Variants in CNTN5 observed in about 807,000 individuals in gnomAD.
CNTN5 encodes contactin 5.
In CNTN5, 77 loss-of-function variants were observed where a neutral mutation model predicts 129.1. The ratio of observed to expected loss-of-function variants is 0.60; its 90% CI spans 0.50 to 0.72. The LOEUF (loss-of-function observed/expected upper bound fraction) is 0.72. CNTN5 is among the 30% of genes least tolerant of loss of function. The probability of loss-of-function intolerance (pLI) is 0.00; values close to 1 mark genes in which losing one functional copy is unlikely to be tolerated. For synonymous variants in CNTN5, 509 were observed against 465.6 expected (o/e 1.09, Z -1.20); for missense variants, 1,478 against 1,328.8 (o/e 1.11, Z -1.75).
chr11:100,285,393 C>G (rs143668017), intron 18 of CNTN5, among the ~76,000 whole-genome samples: 1 of 152,136 alleles, frequency 6.6e-6, no homozygotes, highest in African/African-American at 2.4e-5. Context: ...ACTAGAACAA[C>G]AGGAGAGTCA....
At chr11:100,209,080 C>G (rs913940923) in intron 15 of CNTN5, among the ~76,000 whole-genome samples, 3 of 152,216 alleles carry the variant, frequency 2.0e-5, no homozygotes, top group African/African-American at 7.2e-5. Flanking sequence ...ACATGTCTCA[C>G]TGACCTATCC....
chr11:99,729,604 C>T (rs1015220720), intron 3 of CNTN5, among the ~76,000 whole-genome samples: 2 of 152,056 alleles, frequency 1.3e-5, no homozygotes, highest in African/African-American at 2.4e-5. Flanking sequence ...CATGGTCTTC[C>T]ACAATGGTAG....
chr11:100,250,358 C>A (rs1490961051), intron 16 of CNTN5, among the ~76,000 whole-genome samples: 1 of 152,070 alleles, frequency 6.6e-6, no homozygotes, highest in Non-Finnish European at 1.5e-5. Flanking sequence ...ACTCCTCTAT[C>A]CTTTCTTCCT....
At chr11:100,319,906 G>A (rs959789246) in intron 21 of CNTN5, among the ~76,000 whole-genome samples, 3 of 152,106 alleles carry the variant, frequency 2.0e-5, no homozygotes, top group Non-Finnish European at 4.4e-5. Context: ...TAGTTGAATG[G>A]TGAATAGAAT....
chr11:99,998,987 C>T (rs966578998), intron 8 of CNTN5, among the ~76,000 whole-genome samples: 1 of 152,048 alleles, frequency 6.6e-6, no homozygotes, highest in Middle Eastern at 3.4e-3. Context: ...CTTCCTTACA[C>T]CTTATACAAA....
intron 6 of CNTN5, among the ~76,000 whole-genome samples, chr11:99,906,918 G>A (rs1949522805): frequency 1.3e-5 from 2 of 152,000 alleles, no homozygotes; most frequent in African/African-American, 2.4e-5. Flanking sequence ...GCATAGAGGT[G>A]TTTATAGTAT....
At chr11:100,312,326 G>A (rs1951487182) in intron 21 of CNTN5, among the ~76,000 whole-genome samples, 1 of 151,838 alleles carries the variant, frequency 6.6e-6, no homozygotes, top group African/African-American at 2.4e-5. Flanking sequence ...ATATGATATA[G>A]GTGAAGCTAT....
chr11:100,101,354 G>A (rs1308963349), intron 13 of CNTN5, among the ~76,000 whole-genome samples: 1 of 152,080 alleles, frequency 6.6e-6, no homozygotes, highest in Non-Finnish European at 1.5e-5. Flanking sequence ...AAATGCTCAA[G>A]AAGGATAAGA....
chr11:99,764,974 T>C (rs1293447631), intron 3 of CNTN5, among the ~76,000 whole-genome samples: 3 of 152,136 alleles, frequency 2.0e-5, no homozygotes, highest in South Asian at 2.1e-4. Context: ...CTTTCTGTCA[T>C]AGTCACATAT....
chr11:99,178,194 C>T (rs890298134), intron 1 of CNTN5, among the ~76,000 whole-genome samples: 1 of 150,328 alleles, frequency 6.7e-6, no homozygotes, highest in Non-Finnish European at 1.5e-5. Flanking sequence ...AAACTAGCAA[C>T]TCTAGGCTGG....
At chr11:100,057,246 A>G (rs1323126134) in intron 9 of CNTN5, among the ~76,000 whole-genome samples, 8 of 147,980 alleles carry the variant, frequency 5.4e-5, no homozygotes, top group African/African-American at 1.7e-4. Flanking sequence ...ATTATAAAGT[A>G]TAAATATATA....
chr11:100,025,817 A>G (rs1291600330), intron 9 of CNTN5, among the ~76,000 whole-genome samples: 1 of 152,180 alleles, frequency 6.6e-6, no homozygotes, highest in African/African-American at 2.4e-5. Context: ...TGTTTACCCA[A>G]TGCCTGTATC....
rs527790306 is a variant in CNTN5 at position 99,137,778 on chromosome 11, T to C, written c.-210+116508T>C. Among the ~76,000 whole-genome samples the C allele has an allele frequency of 7.5e-4, 114 of 152,188 alleles. No homozygotes were observed. In the South Asian group the frequency reaches 0.022, roughly 29 times the overall value. ...ACTAATTTTGTCTGTGGTCTTTTTT[T>C]CCCCCTAGAAACTTCATAAGTATAC... On this transcript the variant is annotated intron_variant, in intron 1 of 24. Transcript: ENST00000524871.
At chr11:100,169,461 A>G (rs1947758890) in intron 13 of CNTN5, among the ~76,000 whole-genome samples, 1 of 152,030 alleles carries the variant, frequency 6.6e-6, no homozygotes, top group African/African-American at 2.4e-5. Context: ...TTCAACAGCC[A>G]TCACCCTGAT....
intron 2 of CNTN5, among the ~76,000 whole-genome samples, chr11:99,349,102 A>G (rs1173409284): frequency 6.6e-6 from 1 of 152,214 alleles, no homozygotes; most frequent in Non-Finnish European, 1.5e-5. Context: ...ACAAGAATGC[A>G]GTGATCTGGG....
intron 15 of CNTN5, among the ~76,000 whole-genome samples, chr11:100,215,911 C>G (rs1230086941): frequency 1.3e-5 from 2 of 152,152 alleles, no homozygotes; most frequent in African/African-American, 2.4e-5. Context: ...TGGAGCTCTT[C>G]TAGTTTTATG....
intron 9 of CNTN5, among the ~76,000 whole-genome samples, chr11:100,054,858 C>T (rs1943131590): frequency 6.6e-6 from 1 of 151,514 alleles, no homozygotes. Context: ...CAATTTTGTA[C>T]TTTTCTCTAC....
At chr11:99,222,192 A>G (rs1172052267) in intron 1 of CNTN5, among the ~76,000 whole-genome samples, 1 of 152,000 alleles carries the variant, frequency 6.6e-6, no homozygotes, top group East Asian at 1.9e-4. Context: ...GTATGTAATT[A>G]ATATAAATTA....
intron 9 of CNTN5, among the ~76,000 whole-genome samples, chr11:100,047,580 T>C (rs1259683780): frequency 4.6e-5 from 7 of 152,120 alleles, no homozygotes; most frequent in Non-Finnish European, 1.5e-5. Context: ...CCCAGAAATA[T>C]CAGAAATGTT....
Sources: allele counts gnomAD v4.1 joint callset (sites outside exome capture counted in the v4.1 genomes callset), GRCh38; gene constraint gnomAD v4.1.1; transcripts MANE v1.5; gene names NCBI Gene and HGNC (gene_info 2026-07-23, HGNC 2026-07-21).